Variants in NACC2 observed in about 807,000 individuals in gnomAD.
NACC2 encodes the protein nucleus accumbens-associated protein 2.
NACC2 carries 8 observed loss-of-function variants against 25.1 expected under a neutral mutation model. The observed-to-expected ratio is 0.32, with a 90% confidence interval of 0.19 to 0.57. The LOEUF is 0.57. Among genes scored for constraint, NACC2 ranks in the 20% least tolerant of loss-of-function variants. The pLI, the probability that NACC2 is intolerant of heterozygous loss-of-function variation, is 0.89. For synonymous variants in NACC2, 435 were observed against 294.7 expected (o/e 1.48, Z -4.88); for missense variants, 644 against 650.2 (o/e 0.99, Z 0.10).
At chr9:136,025,435 AAAAAC>A (rs535435723) in intron 2 of NACC2, among the ~76,000 whole-genome samples, 96 of 152,318 alleles carry the variant, frequency 6.3e-4, no homozygotes, top group African/African-American at 1.6e-3. Context: ...CCAAATGATA[AAAAAC>A]AAAACAAAAC....
chr9:136,053,846 G>T (rs1840885141), intron 1 of NACC2, among the ~76,000 whole-genome samples: 1 of 152,232 alleles, frequency 6.6e-6, no homozygotes, highest in Admixed American at 6.5e-5. Context: ...GTTCCTGGGG[G>T]TCCCAAGTAC....
chr9:136,095,125 C>T (rs1054955433), intron 1 of NACC2, 64 bp downstream of exon 1: 7 of 146,554 alleles, frequency 4.8e-5, no homozygotes, highest in African/African-American at 1.7e-4. Context: ...CGGGCCCGGC[C>T]CGTGGGACGA....
At chr9:136,080,753 G>T (rs1222045006) in intron 1 of NACC2, among the ~76,000 whole-genome samples, 3 of 152,180 alleles carry the variant, frequency 2.0e-5, no homozygotes, top group African/African-American at 4.8e-5. Flanking sequence ...GGAGACGGGG[G>T]GCCGTGACAC....
chr9:136,024,831 T>C (rs1224202487), intron 2 of NACC2, among the ~76,000 whole-genome samples: 5 of 152,250 alleles, frequency 3.3e-5, no homozygotes, highest in East Asian at 3.9e-4. Flanking sequence ...TCCTGAGAAC[T>C]GGGACCTGCC....
At chr9:136,047,165 G>T (rs1424724705) in intron 2 of NACC2, among the ~76,000 whole-genome samples, 1 of 152,158 alleles carries the variant, frequency 6.6e-6, no homozygotes, top group Non-Finnish European at 1.5e-5. Flanking sequence ...GGCGAGGGCA[G>T]CAGCCAGCCT....
At chr9:136,082,633 G>T (rs530200688) in intron 1 of NACC2, among the ~76,000 whole-genome samples, 1 of 150,444 alleles carries the variant, frequency 6.6e-6, no homozygotes, top group African/African-American at 2.4e-5. Context: ...CCCTCCACCC[G>T]CCAGGCCCGC....
chr9:136,021,900 G>A (rs762440693), intron 2 of NACC2, among the ~76,000 whole-genome samples: 2 of 152,234 alleles, frequency 1.3e-5, no homozygotes, highest in African/African-American at 4.8e-5. Flanking sequence ...TAAACTTGGG[G>A]GACAGAGAAT....
At chr9:136,069,726 T>G (rs1841128636) in intron 1 of NACC2, among the ~76,000 whole-genome samples, 1 of 151,864 alleles carries the variant, frequency 6.6e-6, no homozygotes, top group African/African-American at 2.4e-5. Flanking sequence ...TTATCAGAGA[T>G]AGAGTAGGAC....
rs939105253 is a variant in NACC2 at position 136,022,259 on chromosome 9, G to A, written c.887-5830C>T. Among the ~76,000 whole-genome samples, 4 of 152,222 alleles carry A rather than the reference G, an allele frequency of 2.6e-5. No individual in the cohort carries two copies. Among genetic ancestry groups the A allele is most frequent in the Non-Finnish European group, 4.4e-5 (3 of 68,040 alleles). ...ACCACAGACGGGTGACCAGGCCCGG[G>A]TGATGAGGTAACGGGTGCCCCACAT... On this transcript the variant is annotated intron_variant, in intron 2 of 5. Transcript: ENST00000277554. The surrounding 1 kb of genome is among the most constrained non-coding windows in gnomAD (Gnocchi z 4.4).
chr9:136,056,674 G>A (rs773848074), intron 1 of NACC2, among the ~76,000 whole-genome samples: 8 of 152,178 alleles, frequency 5.3e-5, no homozygotes, highest in Admixed American at 1.3e-4. Context: ...CTGGGATGAC[G>A]GGCCCCCTCG....
chr9:136,088,440 C>G (rs7037215), intron 1 of NACC2, among the ~76,000 whole-genome samples: 2,134 of 152,256 alleles, frequency 0.014, 40 homozygotes, highest in African/African-American at 0.048. Flanking sequence ...GCAGCTGCCC[C>G]TGAGCCCCTG....
At chr9:136,014,051 G>T (rs1338616675) in intron 3 of NACC2, 82 bp from the exon 4 acceptor site, 10 of 689,278 alleles carry the variant, frequency 1.5e-5, no homozygotes, top group Admixed American at 9.6e-5. Context: ...GTGAGGGGGA[G>T]GGGGGGAGGT....
At chr9:136,081,000 G>C (rs12338232) in intron 1 of NACC2, among the ~76,000 whole-genome samples, 4,108 of 152,212 alleles carry the variant, frequency 0.027, 175 homozygotes, top group African/African-American at 0.094. Flanking sequence ...AGCACATTCT[G>C]ATTAACAGAG....
rs577860068 is a variant in NACC2, at chr9:136,089,292, G to A, written c.-60+5897C>T. ...CCCAGGGCCTCAAAGGAGGACCCAC[G>A]GGCCACGTCTTCCTGAGGTCCCCAC... is the stretch of plus-strand genomic sequence containing the variant. On this transcript the variant is annotated intron_variant, in intron 1 of 5. Transcript: ENST00000277554. 1.2e-4 allele frequency among the ~76,000 whole-genome samples: 18 copies of A among 152,204 alleles called. No individual in the cohort carries two copies. The East Asian group carries it at 2.9e-3, about 25-fold the overall frequency.
chr9:136,016,385 C>T lies in NACC2; in HGVS notation c.931G>A (p.Val311Ile), dbSNP rs1443124863. The change falls in exon 3 of 6, where the codon GTC becomes ATC. Residue 311 changes from valine (V) to isoleucine (I), a missense_variant. By Grantham distance (29) the Val-to-Ile change is conservative. Coordinates refer to ENST00000277554, the MANE Select transcript of NACC2 (RefSeq NM_144653.5). ...EPVPLESRSCVLIRRDLVALP... is the reference protein window; with the variant it reads ...EPVPLESRSCILIRRDLVALP... ...GCCACGAGGTCGCGGCGGATGAGGA[C>T]GCAGGAGCGGCTCTCCAGCGGCACT... 5 of 1,611,304 alleles carry T rather than the reference C, an allele frequency of 3.1e-6. No individual in the cohort carries two copies. The highest frequency in any genetic ancestry group is 2.7e-5 in the African/African-American group (2 of 74,852).
chr9:136,056,399 G>T (rs537229715), intron 1 of NACC2, among the ~76,000 whole-genome samples: 2 of 152,042 alleles, frequency 1.3e-5, no homozygotes, highest in African/African-American at 2.4e-5. Flanking sequence ...TCACCTCCCC[G>T]CTACTGGACA....
intron 2 of NACC2, among the ~76,000 whole-genome samples, chr9:136,017,239 C>T (rs142370299): frequency 1.0e-3 from 158 of 152,282 alleles, no homozygotes; most frequent in African/African-American, 3.7e-3. Context: ...CTGTGCAGCG[C>T]GACCCCGATG....
chr9:136,046,050 G>C (rs1840719247), intron 2 of NACC2, among the ~76,000 whole-genome samples: 1 of 152,202 alleles, frequency 6.6e-6, no homozygotes, highest in Non-Finnish European at 1.5e-5. Context: ...GGGTACGCGA[G>C]GAAGAGGGCC....
intron 1 of NACC2, among the ~76,000 whole-genome samples, chr9:136,071,168 C>T (rs113185846): frequency 0.03 from 4,535 of 150,636 alleles, 150 homozygotes; most frequent in African/African-American, 0.047. Flanking sequence ...GGGAGGCAGA[C>T]GTTGCGGTGA....
Sources: gnomAD v4.1 joint callset for allele counts (sites outside exome capture counted in the v4.1 genomes callset) on GRCh38, gnomAD v4.1.1 for gene constraint, Gnocchi (gnomAD v3.1) non-coding constraint, MANE v1.5 for transcripts, NCBI Gene and HGNC (gene_info 2026-07-23, HGNC 2026-07-21) for gene names.